Variants in BEST3 observed in about 807,000 individuals in gnomAD.
BEST3 encodes bestrophin-3.
BEST3 carries 50 observed loss-of-function variants against 47.1 expected under a neutral mutation model. The observed-to-expected ratio is 1.06, with a 90% CI of 0.85 to 1.34. The LOEUF is 1.34. BEST3 is among the 40% of genes most tolerant of loss of function. The pLI is 0.00. For missense variants in BEST3, 765 were observed against 817.0 expected (o/e 0.94, Z 0.78); for synonymous variants, 282 against 298.8 (o/e 0.94, Z 0.58).
At chr12:69,653,172 A>G (rs534168770), downstream of BEST3, among the ~76,000 whole-genome samples, 4 of 152,324 alleles carry the variant, frequency 2.6e-5, no homozygotes, top group South Asian at 6.2e-4. Context: ...TTTTTCTGTC[A>G]TGAAAAATGA....
At chr12:69,658,697 G>T (rs1353699044) in intron 9 of BEST3, among the ~76,000 whole-genome samples, 1 of 152,220 alleles carries the variant, frequency 6.6e-6, no homozygotes, top group African/African-American at 2.4e-5. Context: ...AGTGGGAATT[G>T]GATGGATAGA....
chr12:69,675,999 T>C (rs1417180754), intron 7 of BEST3, among the ~76,000 whole-genome samples: 3 of 152,210 alleles, frequency 2.0e-5, no homozygotes, highest in Non-Finnish European at 4.4e-5. Flanking sequence ...TGTCATTGAT[T>C]TTTTTTCTAT....
intron 4 of BEST3, chr12:69,687,263 G>A (rs1885668747): frequency 6.6e-6 from 1 of 152,166 alleles, no homozygotes; most frequent in African/African-American, 2.4e-5. Context: ...TTAACCATAA[G>A]TGTCACTGAA....
chr12:69,693,412 C>T (rs1267494408), intron 4 of BEST3, among the ~76,000 whole-genome samples: 2 of 151,742 alleles, frequency 1.3e-5, no homozygotes, highest in Admixed American at 6.6e-5. Context: ...TACAGGCACA[C>T]GCCACCACGC....
At position 69,669,031 on chromosome 12, in the gene BEST3, G is replaced by A. The variant is rs566693836; in HGVS notation, c.1100+2397C>T. 1.8e-4 allele frequency among the ~76,000 whole-genome samples: 27 copies of A among 152,254 alleles called. 1 individual carries two copies. The Middle Eastern group carries it at 0.01, about 58-fold the overall frequency. On this transcript the variant is annotated intron_variant, in intron 9 of 9. Coordinates refer to ENST00000330891, the MANE Select transcript of BEST3 (RefSeq NM_032735.3). ...AGTGAGTCCTGGTGACATTCTCTGAGCCTCTGGATCTAGTGACACCCAAAG... is the reference window on the plus strand; with the variant it reads ...AGTGAGTCCTGGTGACATTCTCTGAACCTCTGGATCTAGTGACACCCAAAG...
rs1383421344 is a variant in BEST3, at chr12:69,689,048, G to C, written c.481+4626C>G. 6.1e-6 allele frequency: 6 copies of C among 980,474 alleles called. No individual in the cohort carries two copies. In the East Asian group the frequency reaches 4.5e-4, roughly 74 times the overall value. The allele number at this position is 980,474 out of a possible 1,614,324, so 60.7% of individuals were successfully genotyped here. On this transcript the variant is annotated intron_variant, in intron 4 of 9. Transcript: ENST00000330891. The stretch of plus-strand genomic sequence containing the variant: ...CCTTAACCTTGTCCCCACCCCTTTG[G>C]GGCCCTCAGTGCTTTACTTACCAGT...
chr12:69,648,541 A>G (rs527899148), intron 9 of BEST3, among the ~76,000 whole-genome samples: 2 of 152,338 alleles, frequency 1.3e-5, no homozygotes, highest in Non-Finnish European at 2.9e-5. Flanking sequence ...GCAAACATGA[A>G]TGAACTTCAG....
In BEST3 at chr12:69,668,899, G is replaced by A. The variant is rs558243061; in HGVS notation, c.1100+2529C>T. Among the ~76,000 whole-genome samples, 21 of 152,286 alleles carry A rather than the reference G, an allele frequency of 1.4e-4. 1 individual carries two copies. In the South Asian group the frequency reaches 4.3e-3, roughly 32 times the overall value. ...CATAGGTTAGCTGAGAAGGTAAGCT[G>A]TAAGCCTGGAGCTTGCCATTTTGCC... On this transcript the variant is annotated intron_variant, in intron 9 of 9. Coordinates refer to ENST00000330891, the MANE Select transcript of BEST3 (RefSeq NM_032735.3).
chr12:69,672,048 G>A (rs1232348425), intron 8 of BEST3, among the ~76,000 whole-genome samples: 1 of 152,126 alleles, frequency 6.6e-6, no homozygotes, highest in Non-Finnish European at 1.5e-5. Flanking sequence ...TTCTTTGTTT[G>A]GAAAAACATA....
intron 9 of BEST3, among the ~76,000 whole-genome samples, chr12:69,658,128 A>C (rs4761254): frequency 6.6e-6 from 1 of 152,030 alleles, no homozygotes; most frequent in African/African-American, 2.4e-5. Flanking sequence ...CAAGCTGGCA[A>C]TCTCTCTATA....
intron 7 of BEST3, among the ~76,000 whole-genome samples, chr12:69,676,374 G>A (rs1461127461): frequency 6.6e-6 from 1 of 151,022 alleles, no homozygotes. Context: ...TTGCGTTACT[G>A]TACTCCATCC....
intron 4 of BEST3, chr12:69,689,309 G>A: frequency 1.0e-6 from 1 of 975,678 alleles, no homozygotes; most frequent in Non-Finnish European, 1.2e-6. Flanking sequence ...CAGTGAGTCA[G>A]CGCTGCCGGT....
At position 69,653,640 on chromosome 12, in the gene BEST3, A is replaced by G. The variant is rs548413044; in HGVS notation, c.*1267T>C. The G allele has an allele frequency of 6.1e-6, 6 of 985,438 alleles. No individual in the cohort carries two copies. In the Admixed American group the frequency reaches 3.7e-4, roughly 60 times the overall value. The allele number at this position is 985,438 out of a possible 1,614,324, so 61.0% of individuals were successfully genotyped here. On this transcript the variant is annotated 3_prime_UTR_variant, in exon 10 of 10. Transcript: ENST00000330891. ...TGAGGGTTATTTTATTTCTAAAGCCATATGTAGTCAAGTGCCATCATATGA... is the reference window on the plus strand; with the variant it reads ...TGAGGGTTATTTTATTTCTAAAGCCGTATGTAGTCAAGTGCCATCATATGA...
At chr12:69,697,523 G>A in intron 2 of BEST3, 124 bp downstream of exon 2, 2 of 703,000 alleles carry the variant, frequency 2.8e-6, no homozygotes, top group East Asian at 3.0e-5. Context: ...AGACAAATGA[G>A]AGGCTCACGC....
chr12:69,666,922 T>TA (rs1884260324), intron 9 of BEST3, among the ~76,000 whole-genome samples: 1 of 152,210 alleles, frequency 6.6e-6, no homozygotes, highest in African/African-American at 2.4e-5. Flanking sequence ...TCCCTTGTGA[T>TA]ACACCTACTT....
intron 9 of BEST3, chr12:69,643,830 A>G (rs1325081399): frequency 4.4e-6 from 3 of 688,748 alleles, no homozygotes; most frequent in Non-Finnish European, 8.1e-6. Flanking sequence ...TTCTTTCTAC[A>G]CGTATACAGG....
At chr12:69,677,605 A>G (rs562078113) in intron 5 of BEST3, among the ~76,000 whole-genome samples, 1 of 152,322 alleles carries the variant, frequency 6.6e-6, no homozygotes, top group South Asian at 2.1e-4. Context: ...ACATAGAAAG[A>G]CATTGTTTCT....
downstream of BEST3, among the ~76,000 whole-genome samples, chr12:69,648,908 A>G (rs1883124709): frequency 6.6e-6 from 1 of 152,200 alleles, no homozygotes; most frequent in African/African-American, 2.4e-5. Flanking sequence ...CAGTCCTCAG[A>G]AAGACACATA....
At chr12:69,660,702 C>T (rs1181020649) in intron 9 of BEST3, 1 of 151,944 alleles carries the variant, frequency 6.6e-6, no homozygotes, top group Non-Finnish European at 1.5e-5. Flanking sequence ...ACGGTTGTGT[C>T]ACATATTGGT....
Sources: gnomAD v4.1 joint callset for allele counts (sites outside exome capture counted in the v4.1 genomes callset) on GRCh38, gnomAD v4.1.1 for gene constraint, MANE v1.5 for transcripts, NCBI Gene and HGNC (gene_info 2026-07-23, HGNC 2026-07-21) for gene names.